Variants in TMEM50B observed in about 807,000 individuals in gnomAD.
The protein encoded by TMEM50B is transmembrane protein 50B.
Under a neutral mutation model 23.4 loss-of-function variants are expected in TMEM50B, and 14 were observed. The observed-to-expected ratio is 0.60, with a 90% CI of 0.39 to 0.93. The LOEUF (loss-of-function observed/expected upper bound fraction) is 0.93. TMEM50B is among the 40% of genes least tolerant of loss of function. TMEM50B has a pLI of 0.00. For missense variants in TMEM50B, 159 were observed against 193.0 expected (o/e 0.82, Z 1.04); for synonymous variants, 64 against 62.3 (o/e 1.03, Z -0.13).
In TMEM50B at chr21:33,468,836, T is replaced by C; in HGVS notation, c.50A>G (p.Asp17Gly). ...CACAGCATTTCTTCTCTCACTCCAG[T>C]CAATACATTCACATTCTGGCCAACG... ...NFRWPECECI[D>G]WSERRNAVAS... The change falls in exon 2 of 7, where the codon GAC (aspartate) becomes GGC (glycine). Residue 17 changes from aspartate (D) to glycine (G), a missense_variant. By Grantham distance (94) the Asp-to-Gly change is moderately conservative. Transcript: ENST00000542230. The C allele has an allele frequency of 6.2e-7, 1 of 1,613,936 alleles. No homozygotes were observed. Among genetic ancestry groups the C allele is most frequent in the Non-Finnish European group, 8.5e-7 (1 of 1,179,982 alleles).
At chr21:33,474,094 C>T (rs942562527) in intron 1 of TMEM50B, among the ~76,000 whole-genome samples, 3 of 149,676 alleles carry the variant, frequency 2.0e-5, no homozygotes, top group Admixed American at 6.8e-5. Context: ...TGCACAGCTC[C>T]GTAAATACTA....
chr21:33,446,835 C>T (rs369340652), downstream of TMEM50B, among the ~76,000 whole-genome samples: 1 of 147,750 alleles, frequency 6.8e-6, no homozygotes, highest in Non-Finnish European at 1.5e-5. Context: ...ATAGCAAGAC[C>T]CCTCTCTAAA....
At chr21:33,466,925 A>G in intron 3 of TMEM50B, 85 bp downstream of exon 3, 1 of 1,011,186 alleles carries the variant, frequency 9.9e-7, no homozygotes, top group Non-Finnish European at 1.5e-6. Context: ...AATAAATTAA[A>G]AAGTTATTCA....
chr21:33,459,383 T>C (rs2084197453), intron 5 of TMEM50B, among the ~76,000 whole-genome samples: 1 of 152,136 alleles, frequency 6.6e-6, no homozygotes, highest in Non-Finnish European at 1.5e-5. Flanking sequence ...ATTACAGGAT[T>C]GGCTGGGCAT....
chr21:33,457,566 G>A (rs192858578), intron 5 of TMEM50B, among the ~76,000 whole-genome samples: 10 of 150,276 alleles, frequency 6.7e-5, no homozygotes, highest in East Asian at 2.0e-4. Flanking sequence ...CAGGAGAATC[G>A]CTTGAACCCG....
intron 4 of TMEM50B, among the ~76,000 whole-genome samples, chr21:33,461,864 T>C (rs2084219878): frequency 6.6e-6 from 1 of 151,946 alleles, no homozygotes; most frequent in Non-Finnish European, 1.5e-5. Flanking sequence ...CTATATACAT[T>C]AAACTTTCTA....
chr21:33,468,998 C>T, intron 1 of TMEM50B, 72 bp from the exon 2 acceptor site: 1 of 779,452 alleles, frequency 1.3e-6, no homozygotes, highest in Non-Finnish European at 2.1e-6. Context: ...TTACTCCTTT[C>T]TTAAAGCTTT....
In TMEM50B at chr21:33,468,769, C is replaced by CCAGT; in HGVS notation, c.99+14_99+17dup. 2 of 1,601,044 alleles carry CCAGT rather than the reference C, an allele frequency of 1.2e-6. No individual in the cohort carries two copies. Among genetic ancestry groups the CCAGT allele is most frequent in the Non-Finnish European group, 1.7e-6 (2 of 1,169,468 alleles). On this transcript the variant is annotated intron_variant, in intron 2 of 6. Transcript: ENST00000542230. The stretch of plus-strand genomic sequence containing the variant: ...AAAGGTAAGGGATACATGTCACCAA[C>CCAGT]CAGTCTTTCTCACTTACCAATATAC...
intron 1 of TMEM50B, among the ~76,000 whole-genome samples, chr21:33,473,457 GAAAAAAAAAA>G (rs35814774): frequency 1.2e-5 from 1 of 84,856 alleles, no homozygotes; most frequent in South Asian, 3.8e-4. Context: ...TGTCTCGGAA[GAAAAAAAAAA>G]AAAAAAAAAA....
At position 33,450,835 on chromosome 21, in the gene TMEM50B, C is replaced by T. The variant is rs1300696691; in HGVS notation, c.460G>A (p.Glu154Lys). The T allele has an allele frequency of 3.1e-6, 5 of 1,612,830 alleles. No individual in the cohort carries two copies. Among genetic ancestry groups the T allele is most frequent in the East Asian group, 2.2e-5 (1 of 44,808 alleles). Residue 154 changes from glutamate to lysine, a missense_variant, in exon 7 of 7, where the codon GAA (glutamate) becomes AAA (lysine). By Grantham distance (56) the Glu-to-Lys change is moderately conservative. Transcript: ENST00000542230. ...STLIYKFGRT[E>K]ELWT Reference sequence around the variant, plus strand: ...AAGTGATCTCAGGTCCATAGCTCTTCGGTTCTTCCAAATTTGTAGATCAGA... The same window carrying T: ...AAGTGATCTCAGGTCCATAGCTCTTTGGTTCTTCCAAATTTGTAGATCAGA...
chr21:33,441,094 G>GT (rs2084004835), intron 7 of TMEM50B, among the ~76,000 whole-genome samples: 1 of 151,850 alleles, frequency 6.6e-6, no homozygotes, highest in Admixed American at 6.6e-5. Context: ...GCCCAGCGCA[G>GT]TGGCAGGTGC....
intron 8 of TMEM50B, among the ~76,000 whole-genome samples, chr21:33,434,530 AAAAT>A (rs1011031626): frequency 7.9e-5 from 12 of 152,068 alleles, no homozygotes; most frequent in Admixed American, 7.2e-4. Context: ...TCAAAAAAAT[AAAAT>A]AAATAAAAAG....
At chr21:33,441,786 T>C (rs922647325) in intron 7 of TMEM50B, among the ~76,000 whole-genome samples, 1 of 152,086 alleles carries the variant, frequency 6.6e-6, no homozygotes, top group Non-Finnish European at 1.5e-5. Flanking sequence ...TCCGCCACCA[T>C]GCCTGGCTAA....
rs113666018 is a variant in TMEM50B, at chr21:33,450,741, G to C, written c.*77C>G. On this transcript the variant is annotated 3_prime_UTR_variant, in exon 7 of 7. Coordinates refer to ENST00000542230, the MANE Select transcript of TMEM50B (RefSeq NM_006134.7). ...TTTAATGTACAATCTACTCCATTTG[G>C]CAATGTGTACTGAGAGATAAAAAAC... 1.2e-5 allele frequency: 13 copies of C among 1,086,440 alleles called. No individual in the cohort carries two copies. In the African/African-American group the frequency reaches 1.4e-4, roughly 12 times the overall value. The allele number at this position is 1,086,440 out of a possible 1,614,324, so 67.3% of individuals were successfully genotyped here.
At chr21:33,451,356 G>A (rs4817571) in intron 6 of TMEM50B, among the ~76,000 whole-genome samples, 89,222 of 152,072 alleles carry the variant, frequency 0.59, 28,242 homozygotes, top group East Asian at 0.83. Flanking sequence ...GTGCTGGGGT[G>A]AGACTGAGTC....
intron 7 of TMEM50B, among the ~76,000 whole-genome samples, chr21:33,441,075 C>T (rs910360716): frequency 6.6e-6 from 1 of 151,628 alleles, no homozygotes; most frequent in African/African-American, 2.4e-5. Flanking sequence ...ACTAAAAATA[C>T]AAAAATCAGC....
At chr21:33,475,007 A>G (rs553600527) in intron 1 of TMEM50B, among the ~76,000 whole-genome samples, 1 of 150,238 alleles carries the variant, frequency 6.7e-6, no homozygotes, top group African/African-American at 2.4e-5. Context: ...GCTCACTGCA[A>G]CCTCCACCTC....
At chr21:33,463,935 T>G (rs915273176) in intron 4 of TMEM50B, among the ~76,000 whole-genome samples, 14 of 152,144 alleles carry the variant, frequency 9.2e-5, no homozygotes, top group African/African-American at 3.4e-4. Context: ...ATTAATAAAA[T>G]AATAAATACA....
At chr21:33,464,810 A>AAAAAAAAAAAAAAAAC (rs1475433384) in intron 4 of TMEM50B, among the ~76,000 whole-genome samples, 1 of 29,320 alleles carries the variant, frequency 3.4e-5, no homozygotes, top group Non-Finnish European at 5.0e-5. Flanking sequence ...GTCTCAAAAA[A>AAAAAAAAAAAAAAAAC]AAAAAAAAAA....
Sources: gnomAD v4.1 joint callset for allele counts (sites outside exome capture counted in the v4.1 genomes callset) on GRCh38, gnomAD v4.1.1 for gene constraint, MANE v1.5 for transcripts, NCBI Gene and HGNC (gene_info 2026-07-23, HGNC 2026-07-21) for gene names.